Variants in FHL1 observed in about 807,000 individuals in gnomAD.
The protein encoded by FHL1 is four and a half LIM domains protein 1.
In FHL1, 1 loss-of-function variant was observed where a neutral mutation model predicts 20.3. The ratio of observed to expected loss-of-function variants is 0.05; its 90% confidence interval spans 0.02 to 0.23. FHL1 has a LOEUF of 0.23. Among genes scored for constraint, FHL1 ranks in the 10% least tolerant of loss-of-function variants. The probability of loss-of-function intolerance (pLI) is 1.00; values close to 1 mark genes in which losing one functional copy is unlikely to be tolerated. For synonymous variants in FHL1, 82 were observed against 88.9 expected (o/e 0.92, Z 0.44); for missense variants, 177 against 234.0 (o/e 0.76, Z 1.59).
At chrX:136,192,422 CAG>C (rs1168580124), upstream of FHL1, among the ~76,000 whole-genome samples, 2 of 111,870 alleles carry the variant, frequency 1.8e-5, no homozygotes, top group African/African-American at 3.3e-5. Flanking sequence ...AATCAAAAGA[CAG>C]GGGCCATGGC....
upstream of FHL1, among the ~76,000 whole-genome samples, chrX:136,169,054 T>A (rs765979261): frequency 9.8e-5 from 11 of 111,908 alleles, no homozygotes; most frequent in South Asian, 4.1e-3. Context: ...CTCATGTACA[T>A]TTTCATAGTT....
chrX:136,211,139 C>T lies in FHL1; in HGVS notation c.*1114C>T, dbSNP rs779004582. On this transcript the variant is annotated 3_prime_UTR_variant, in exon 6 of 6. Coordinates refer to ENST00000370683, the MANE Select transcript of FHL1 (RefSeq NM_001159699.2). ...AATCTGGATTTCCACCTACCGCTTA[C>T]CTGAAATGCAGGATCACCTACTTAC... 1 of 373,300 alleles carries T rather than the reference C, an allele frequency of 2.7e-6. No homozygotes were observed. Among genetic ancestry groups the T allele is most frequent in the Non-Finnish European group, 5.1e-6 (1 of 196,687 alleles). 30.8% of individuals were successfully genotyped at this position (373,300 alleles called of 1,213,427 possible).
upstream of FHL1, among the ~76,000 whole-genome samples, chrX:136,193,347 A>G (rs760411932): frequency 8.9e-6 from 1 of 111,979 alleles, no homozygotes; most frequent in Non-Finnish European, 1.9e-5. Context: ...CTTCGGTTGC[A>G]CCACTTTGAA....
At chrX:136,202,889 T>A (rs1405141685) in intron 1 of FHL1, among the ~76,000 whole-genome samples, 1 of 112,673 alleles carries the variant, frequency 8.9e-6, no homozygotes, top group Non-Finnish European at 1.9e-5. Context: ...ATAAGCTGGC[T>A]TTTTAGAGTT....
intron 1 of FHL1, among the ~76,000 whole-genome samples, chrX:136,149,578 A>G (rs1429307091): frequency 3.6e-5 from 4 of 111,985 alleles, no homozygotes; most frequent in African/African-American, 6.5e-5. Flanking sequence ...CTGTAACCAT[A>G]TATGGTTTTT....
chrX:136,206,257 G>T, intron 1 of FHL1, 150 bp from the exon 2 acceptor site: 1 of 668,580 alleles, frequency 1.5e-6, no homozygotes. Flanking sequence ...CTTGGTGCCT[G>T]GTAGTCAGCT....
upstream of FHL1, among the ~76,000 whole-genome samples, chrX:136,166,681 A>T (rs1469182923): frequency 8.9e-6 from 1 of 112,365 alleles, no homozygotes; most frequent in African/African-American, 3.2e-5. Flanking sequence ...AAGGGTGAGT[A>T]AGATGAAATA....
upstream of FHL1, chrX:136,169,421 C>T (rs2072799059): frequency 6.1e-6 from 1 of 164,770 alleles, no homozygotes; most frequent in Admixed American, 7.6e-5. Context: ...TCCATGGCAA[C>T]CCCTCTAAAT....
chrX:136,166,745 C>A (rs1306422625), upstream of FHL1, among the ~76,000 whole-genome samples: 2 of 112,114 alleles, frequency 1.8e-5, no homozygotes, highest in Non-Finnish European at 3.8e-5. Context: ...TGGATGGAAT[C>A]GAAAGAAAGG....
At position 136,149,507 on chromosome X, in the gene FHL1, G is replaced by C. The variant is rs779030067; in HGVS notation, c.-101+1879G>C. Among the ~76,000 whole-genome samples, 6 of 112,209 alleles carry C rather than the reference G, an allele frequency of 5.3e-5. 1 individual carries two copies. In the South Asian group the frequency reaches 1.8e-3, roughly 34 times the overall value. On this transcript the variant is annotated intron_variant, in intron 1 of 7. Coordinates refer to the FHL1 transcript ENST00000394155. ...TATGCAACAGGAAATTGGTCAGATA[G>C]GCCATGATTTGTGCAAACCACCTCA...
chrX:136,192,602 T>C (rs750721902), upstream of FHL1, among the ~76,000 whole-genome samples: 105 of 112,159 alleles, frequency 9.4e-4, no homozygotes, highest in African/African-American at 3.1e-3. Context: ...TCTTCTTTCA[T>C]ACCTTTTCCT....
chrX:136,182,335 A>G (rs895956248), intron 2 of FHL1, among the ~76,000 whole-genome samples: 2 of 112,270 alleles, frequency 1.8e-5, no homozygotes, highest in African/African-American at 6.5e-5. Flanking sequence ...ACTGAGGACT[A>G]AGTTGATCTA....
intron 1 of FHL1, among the ~76,000 whole-genome samples, chrX:136,156,326 A>G (rs1455446517): frequency 1.0e-5 from 1 of 97,776 alleles, no homozygotes; most frequent in African/African-American, 3.9e-5. Context: ...CTTGTTGCCC[A>G]GGCTGGAGTG....
chrX:136,206,976 C>T, intron 2 of FHL1, 40 bp from the exon 3 acceptor site: 1 of 1,201,992 alleles, frequency 8.3e-7, no homozygotes, highest in Non-Finnish European at 1.1e-6. Context: ...CCACCCCCAG[C>T]ACCCCTCATG....
At chrX:136,179,042 C>T (rs184069022) in intron 2 of FHL1, among the ~76,000 whole-genome samples, 5 of 112,101 alleles carry the variant, frequency 4.5e-5, no homozygotes, top group African/African-American at 1.6e-4. Context: ...CAAGCATGAG[C>T]CACTGTGCCC....
intron 2 of FHL1, among the ~76,000 whole-genome samples, chrX:136,177,981 C>T (rs2073049729): frequency 8.9e-6 from 1 of 111,936 alleles, no homozygotes; most frequent in East Asian, 2.8e-4. Flanking sequence ...GTCTTATAAC[C>T]GTGGACGTAG....
chrX:136,209,739 T>C (rs1240469035), intron 5 of FHL1, 132 bp from the exon 6 acceptor site: 8 of 760,360 alleles, frequency 1.1e-5, no homozygotes, highest in Non-Finnish European at 1.5e-5. Context: ...CAGGCAGACC[T>C]GGCTCTTGCG....
At chrX:136,169,788 G>A (rs1442279905) in intron 1 of FHL1, 2 of 329,626 alleles carry the variant, frequency 6.1e-6, no homozygotes, top group Non-Finnish European at 1.2e-5. Flanking sequence ...TAAATACAAA[G>A]TAGAATGTGT....
intron 2 of FHL1, among the ~76,000 whole-genome samples, chrX:136,181,033 G>A (rs2073144080): frequency 8.9e-6 from 1 of 112,595 alleles, no homozygotes; most frequent in South Asian, 3.6e-4. Context: ...GTGAGCCACC[G>A]CGCCCGGCCC....
Sources: gnomAD v4.1 joint callset for allele counts (sites outside exome capture counted in the v4.1 genomes callset) on GRCh38, gnomAD v4.1.1 for gene constraint, MANE v1.5 for transcripts, NCBI Gene and HGNC (gene_info 2026-07-23, HGNC 2026-07-21) for gene names.